Variants in ZNF678 observed in about 807,000 individuals in gnomAD.
The protein encoded by ZNF678 is zinc finger protein 678.
Under a neutral mutation model 3.0 loss-of-function variants are expected in ZNF678, and 5 were observed. The observed-to-expected ratio is 1.69, with a 90% CI of 0.88 to 3.56. The LOEUF is 3.56. ZNF678 is among the 30% of genes most tolerant of loss of function. The probability of loss-of-function intolerance (pLI) is 0.00; values close to 1 mark genes in which losing one functional copy is unlikely to be tolerated. For missense variants in ZNF678, 593 were observed against 605.0 expected (o/e 0.98, Z 0.21); for synonymous variants, 218 against 199.6 (o/e 1.09, Z -0.78).
chr1:227,626,119 G>A (rs550391691), intron 1 of ZNF678, among the ~76,000 whole-genome samples: 7 of 152,282 alleles, frequency 4.6e-5, no homozygotes, highest in Admixed American at 4.6e-4. Context: ...AGGAGGTGCA[G>A]TGAGAGTGAA....
At chr1:227,595,472 GCC>G (rs999189600) in intron 1 of ZNF678, among the ~76,000 whole-genome samples, 14 of 152,104 alleles carry the variant, frequency 9.2e-5, no homozygotes, top group Admixed American at 3.9e-4. Flanking sequence ...TCTAATGCTG[GCC>G]AGTCTGTTTT....
chr1:227,639,700 G>T (rs1014638970), intron 1 of ZNF678, among the ~76,000 whole-genome samples: 1 of 152,164 alleles, frequency 6.6e-6, no homozygotes, highest in African/African-American at 2.4e-5. Flanking sequence ...TCCCAGTGGG[G>T]GTCCTGGTTG....
chr1:227,629,356 A>G (rs984676142), intron 1 of ZNF678, among the ~76,000 whole-genome samples: 35 of 152,234 alleles, frequency 2.3e-4, no homozygotes, highest in African/African-American at 8.2e-4. Flanking sequence ...TCCTATGTTC[A>G]GGTGTATAAT....
intron 1 of ZNF678, among the ~76,000 whole-genome samples, chr1:227,643,691 A>C (rs930281302): frequency 5.3e-5 from 8 of 152,268 alleles, no homozygotes; most frequent in African/African-American, 1.9e-4. Flanking sequence ...CATTTTGCTC[A>C]GTAACCTGTT....
chr1:227,643,444 G>A (rs1366874808), intron 1 of ZNF678, among the ~76,000 whole-genome samples: 1 of 152,104 alleles, frequency 6.6e-6, no homozygotes, highest in Non-Finnish European at 1.5e-5. Flanking sequence ...TGAAGCCCAA[G>A]GTCCCAGCCC....
At chr1:227,624,382 A>G (rs1209481278) in intron 1 of ZNF678, among the ~76,000 whole-genome samples, 1 of 152,240 alleles carries the variant, frequency 6.6e-6, no homozygotes, top group African/African-American at 2.4e-5. Context: ...TTAGGTGCAT[A>G]CTCAGAGTAC....
intron 1 of ZNF678, among the ~76,000 whole-genome samples, chr1:227,588,496 G>C (rs373716502): frequency 1.4e-5 from 1 of 69,204 alleles, no homozygotes; most frequent in African/African-American, 8.5e-5. Flanking sequence ...AGCATCTGTT[G>C]TTTTTTTTAC....
chr1:227,612,200 A>T (rs1314621278), intron 1 of ZNF678, among the ~76,000 whole-genome samples: 1 of 152,160 alleles, frequency 6.6e-6, no homozygotes, highest in African/African-American at 2.4e-5. Context: ...CCAGCTGCAG[A>T]AAAAGGACCA....
intron 1 of ZNF678, among the ~76,000 whole-genome samples, chr1:227,644,365 C>T (rs1365335719): frequency 6.6e-6 from 1 of 152,198 alleles, no homozygotes; most frequent in East Asian, 1.9e-4. Context: ...GCTCCATAAA[C>T]ATGGCATTAA....
chr1:227,601,580 T>G (rs1339543822), intron 1 of ZNF678, among the ~76,000 whole-genome samples: 2 of 152,184 alleles, frequency 1.3e-5, no homozygotes, highest in Non-Finnish European at 2.9e-5. Flanking sequence ...TTTTATTTTT[T>G]TTGAGACGGA....
At chr1:227,563,936 GT>G (rs1353382603) in intron 1 of ZNF678, among the ~76,000 whole-genome samples, 1 of 152,250 alleles carries the variant, frequency 6.6e-6, no homozygotes, top group Non-Finnish European at 1.5e-5. Flanking sequence ...AGCCCCGCGG[GT>G]CCCCCAGACT....
At chr1:227,591,915 G>A (rs1423077688) in intron 1 of ZNF678, among the ~76,000 whole-genome samples, 9 of 152,246 alleles carry the variant, frequency 5.9e-5, no homozygotes, top group African/African-American at 1.9e-4. Flanking sequence ...TGAGTCCCGC[G>A]ATGAGTTTCC....
At chr1:227,621,345 C>T (rs912385617) in intron 1 of ZNF678, among the ~76,000 whole-genome samples, 1 of 152,202 alleles carries the variant, frequency 6.6e-6, no homozygotes, top group Non-Finnish European at 1.5e-5. Context: ...GCATAAGTAC[C>T]CCAAGCATGA....
At chr1:227,631,011 A>G (rs1335933917) in intron 1 of ZNF678, among the ~76,000 whole-genome samples, 1 of 152,156 alleles carries the variant, frequency 6.6e-6, no homozygotes, top group African/African-American at 2.4e-5. Flanking sequence ...CTCCCCTTGA[A>G]GAGGATATTG....
intron 2 of ZNF678, among the ~76,000 whole-genome samples, chr1:227,650,361 T>A (rs1659060638): frequency 6.6e-6 from 1 of 152,186 alleles, no homozygotes; most frequent in Admixed American, 6.5e-5. Context: ...GTTCCCTTTT[T>A]TTGTATCTAT....
At chr1:227,620,147 G>A (rs1468657557) in intron 1 of ZNF678, among the ~76,000 whole-genome samples, 3 of 152,136 alleles carry the variant, frequency 2.0e-5, no homozygotes, top group African/African-American at 7.2e-5. Context: ...CTCTCATTCA[G>A]TACCTAGGAG....
rs1659230384 is a variant in ZNF678, at chr1:227,655,752, C to A, written c.1502C>A (p.Ser501Tyr). 6.2e-7 allele frequency: 1 copy of A among 1,611,576 alleles called. No homozygotes were observed. Among genetic ancestry groups the A allele is most frequent in the Non-Finnish European group, 8.5e-7 (1 of 1,178,686 alleles). The change falls in exon 4 of 4, where the codon TCC becomes TAC. Residue 501 changes from serine to tyrosine, a missense_variant. Ser to Tyr is a moderately radical substitution (Grantham distance 144). Coordinates refer to ENST00000343776, the MANE Select transcript of ZNF678 (RefSeq NM_001367909.1). ...GAATGTGGAAAAGGTTTTTACCAAT[C>A]CTCAATCCATAGTAAGTATAAGAGA... ...CKECGKGFYQ[S>Y]SIHSKYKRIY...
chr1:227,626,292 T>A (rs1397513131), intron 1 of ZNF678, among the ~76,000 whole-genome samples: 1 of 152,208 alleles, frequency 6.6e-6, no homozygotes, highest in Non-Finnish European at 1.5e-5. Flanking sequence ...CTGGTTCCTT[T>A]GGCAGTATCT....
intron 1 of ZNF678, among the ~76,000 whole-genome samples, chr1:227,592,860 C>T (rs529478918): frequency 6.0e-4 from 91 of 152,336 alleles, no homozygotes; most frequent in African/African-American, 1.9e-3. Context: ...TCCAGTTATT[C>T]GGCAGAGTGC....
Sources: allele counts gnomAD v4.1 joint callset (sites outside exome capture counted in the v4.1 genomes callset), GRCh38; gene constraint gnomAD v4.1.1; transcripts MANE v1.5; gene names NCBI Gene and HGNC (gene_info 2026-07-23, HGNC 2026-07-21).